MDGA2: variants seen among roughly 807,000 people sequenced by gnomAD.
MDGA2 encodes the protein MAM domain-containing glycosylphosphatidylinositol anchor protein 2.
In MDGA2, 40 loss-of-function variants were observed where a neutral mutation model predicts 117.8. The ratio of observed to expected loss-of-function variants is 0.34; its 90% CI spans 0.26 to 0.44. The LOEUF is 0.44. Ranked by LOEUF, MDGA2 falls within the 20% of genes least tolerant of loss-of-function variation. MDGA2 has a pLI of 1.00. For synonymous variants in MDGA2, 452 were observed against 439.0 expected (o/e 1.03, Z -0.37); for missense variants, 1,123 against 1,250.6 (o/e 0.90, Z 1.54).
At chr14:47,498,208 C>G (rs1894322764) in intron 1 of MDGA2, among the ~76,000 whole-genome samples, 1 of 152,150 alleles carries the variant, frequency 6.6e-6, no homozygotes, top group African/African-American at 2.4e-5. Flanking sequence ...TTATAAATCT[C>G]TAACTTTTCT....
chr14:47,640,888 G>A (rs1897410414), intron 1 of MDGA2, among the ~76,000 whole-genome samples: 1 of 152,096 alleles, frequency 6.6e-6, no homozygotes, highest in South Asian at 2.1e-4. Context: ...GATAAAGGCA[G>A]GAGCACTTGT....
intron 6 of MDGA2, among the ~76,000 whole-genome samples, chr14:47,067,676 T>A (rs193206318): frequency 2.6e-5 from 4 of 152,210 alleles, no homozygotes; most frequent in African/African-American, 9.6e-5. Context: ...TTTTGCAATA[T>A]GCAAACAGCA....
intron 10 of MDGA2, among the ~76,000 whole-genome samples, chr14:46,906,909 A>C (rs973428654): frequency 1.3e-5 from 2 of 151,734 alleles, no homozygotes; most frequent in Non-Finnish European, 2.9e-5. Flanking sequence ...ACATAGATTA[A>C]TTACCAATTG....
chr14:47,629,876 G>T (rs1897221390), intron 1 of MDGA2, among the ~76,000 whole-genome samples: 1 of 152,020 alleles, frequency 6.6e-6, no homozygotes, highest in African/African-American at 2.4e-5. Context: ...TCACCCAAAG[G>T]ATCTCATTAA....
At chr14:47,519,165 A>G (rs978310309) in intron 1 of MDGA2, among the ~76,000 whole-genome samples, 1 of 152,188 alleles carries the variant, frequency 6.6e-6, no homozygotes, top group Non-Finnish European at 1.5e-5. Context: ...AGATCACACC[A>G]TTTTACTCCA....
At chr14:47,470,269 C>T (rs1458856376) in intron 1 of MDGA2, among the ~76,000 whole-genome samples, 8 of 147,162 alleles carry the variant, frequency 5.4e-5, no homozygotes, top group African/African-American at 2.0e-4. Context: ...CCCCCAGCCC[C>T]CCCACCCCAT....
chr14:46,849,925 T>C (rs745812884), intron 15 of MDGA2, among the ~76,000 whole-genome samples: 8 of 151,824 alleles, frequency 5.3e-5, no homozygotes, highest in Non-Finnish European at 5.9e-5. Flanking sequence ...TAGGTACCCA[T>C]GGAGAAAATG....
At chr14:47,178,989 G>T (rs777070412) in intron 3 of MDGA2, among the ~76,000 whole-genome samples, 8 of 152,046 alleles carry the variant, frequency 5.3e-5, no homozygotes, top group Non-Finnish European at 1.0e-4. Context: ...GGGAGTACTG[G>T]TCTTAAAAGC....
rs763877501 is a variant in MDGA2 at position 47,218,070 on chromosome 14, C to T, written c.546G>A (p.Glu182=). The T allele has an allele frequency of 9.0e-6, 14 of 1,551,212 alleles. No homozygotes were observed. Among genetic ancestry groups the T allele is most frequent in the Middle Eastern group, 1.7e-4 (1 of 6,014 alleles). ...HQGGRYYCKA[E]NGLGSPAIKS... is the part of the protein sequence containing the mutation. The stretch of plus-strand genomic sequence containing the variant: ...TTATCGCTGGAGACCCCAAGCCATT[C>T]TCTGCTTTACAGTAATACCGGCCTC... The change falls in exon 3 of 17, where the codon GAG becomes GAA. Residue 182 remains glutamate (E), a synonymous_variant. Coordinates refer to ENST00000399232, the MANE Select transcript of MDGA2 (RefSeq NM_001113498.3).
chr14:47,106,375 C>G (rs945986734), intron 5 of MDGA2, among the ~76,000 whole-genome samples: 1 of 151,998 alleles, frequency 6.6e-6, no homozygotes, highest in Non-Finnish European at 1.5e-5. Context: ...AGCCACATCT[C>G]CAGCACACAA....
At chr14:47,631,186 C>T (rs538378135) in intron 1 of MDGA2, among the ~76,000 whole-genome samples, 1 of 152,256 alleles carries the variant, frequency 6.6e-6, no homozygotes, top group South Asian at 2.1e-4. Flanking sequence ...GAGCTGAAAA[C>T]CACTGTTCTG....
chr14:47,393,035 C>T (rs1891931420), intron 1 of MDGA2, among the ~76,000 whole-genome samples: 2 of 151,390 alleles, frequency 1.3e-5, no homozygotes, highest in South Asian at 4.1e-4. Flanking sequence ...GTCTTAAAAA[C>T]TAAAGTGTTT....
At chr14:47,306,125 G>A (rs1421337697) in intron 1 of MDGA2, 8 of 152,198 alleles carry the variant, frequency 5.3e-5, no homozygotes, top group Non-Finnish European at 4.4e-5. Context: ...TCAGACATAG[G>A]AGAGACACTG....
intron 1 of MDGA2, among the ~76,000 whole-genome samples, chr14:47,608,563 T>A (rs892019010): frequency 6.6e-6 from 1 of 152,060 alleles, no homozygotes; most frequent in African/African-American, 2.4e-5. Context: ...CAGGTGGCTA[T>A]ATTAGTAGGA....
intron 8 of MDGA2, among the ~76,000 whole-genome samples, chr14:46,995,769 CAAT>C (rs1395414038): frequency 6.6e-6 from 1 of 151,650 alleles, no homozygotes; most frequent in Middle Eastern, 3.2e-3. Context: ...GTTTGTAATA[CAAT>C]AATAAACATT....
At chr14:47,112,203 CAG>C (rs1269454669) in intron 5 of MDGA2, among the ~76,000 whole-genome samples, 2 of 152,020 alleles carry the variant, frequency 1.3e-5, no homozygotes, top group African/African-American at 4.8e-5. Context: ...AAAAGGGAGA[CAG>C]AATGAGAAAA....
chr14:47,096,749 C>A, intron 6 of MDGA2, 105 bp downstream of exon 6: 1 of 1,102,968 alleles, frequency 9.1e-7, no homozygotes, highest in Non-Finnish European at 1.3e-6. Context: ...CTGTATTTTA[C>A]AGATACATGC....
At chr14:47,530,243 C>A (rs184130471) in intron 1 of MDGA2, among the ~76,000 whole-genome samples, 2 of 151,962 alleles carry the variant, frequency 1.3e-5, no homozygotes, top group Non-Finnish European at 2.9e-5. Context: ...CATCTTGCCA[C>A]GGCTCTTCTA....
At chr14:47,579,786 T>C (rs180963310) in intron 1 of MDGA2, among the ~76,000 whole-genome samples, 35 of 152,184 alleles carry the variant, frequency 2.3e-4, no homozygotes, top group African/African-American at 7.9e-4. Context: ...AAATCTACAA[T>C]TGAATCCAGT....
Sources: gnomAD v4.1 joint callset for allele counts (sites outside exome capture counted in the v4.1 genomes callset) on GRCh38, gnomAD v4.1.1 for gene constraint, MANE v1.5 for transcripts, NCBI Gene and HGNC (gene_info 2026-07-23, HGNC 2026-07-21) for gene names.